The following TMEM132D variants were observed in gnomAD, a reference collection of about 807,000 sequenced individuals.
The protein encoded by TMEM132D is transmembrane protein 132D, also known as mature OL transmembrane protein.
In TMEM132D, 21 loss-of-function variants were observed where a neutral mutation model predicts 62.3. The observed-to-expected ratio is 0.34, with a 90% CI of 0.24 to 0.49. TMEM132D has a LOEUF of 0.49. TMEM132D is among the 20% of genes least tolerant of loss of function. The pLI is 0.99. For synonymous variants in TMEM132D, 621 were observed against 575.6 expected (o/e 1.08, Z -1.13); for missense variants, 1,346 against 1,402.8 (o/e 0.96, Z 0.65).
chr12:129,724,971 T>C (rs1565963095), intron 1 of TMEM132D, among the ~76,000 whole-genome samples: 1 of 152,196 alleles, frequency 6.6e-6, no homozygotes, highest in African/African-American at 2.4e-5. Flanking sequence ...CAATGAGCTA[T>C]TGATGAAACT....
At chr12:129,509,521 T>C (rs914653851) in intron 3 of TMEM132D, among the ~76,000 whole-genome samples, 4 of 152,320 alleles carry the variant, frequency 2.6e-5, no homozygotes, top group Admixed American at 2.6e-4. Context: ...ACAGATAAGT[T>C]ATTACTGACT....
At chr12:129,512,041 TTC>T (rs1188821934) in intron 3 of TMEM132D, among the ~76,000 whole-genome samples, 4 of 151,848 alleles carry the variant, frequency 2.6e-5, no homozygotes, top group Non-Finnish European at 5.9e-5. Context: ...ATTTTTGTTC[TTC>T]TGTTTTTTGT....
At chr12:129,763,322 C>A (rs567077020) in intron 1 of TMEM132D, among the ~76,000 whole-genome samples, 1 of 152,292 alleles carries the variant, frequency 6.6e-6, no homozygotes, top group Admixed American at 6.5e-5. Context: ...AAGCTATCTT[C>A]CTGCCTCGGT....
chr12:129,582,068 G>A (rs1877879874), intron 2 of TMEM132D, among the ~76,000 whole-genome samples: 1 of 152,182 alleles, frequency 6.6e-6, no homozygotes, highest in African/African-American at 2.4e-5. Flanking sequence ...ATGCCAAAGA[G>A]AGTTGAGGTT....
At chr12:129,199,965 G>A (rs1242000457) in intron 5 of TMEM132D, among the ~76,000 whole-genome samples, 1 of 152,242 alleles carries the variant, frequency 6.6e-6, no homozygotes, top group African/African-American at 2.4e-5. Flanking sequence ...AAATCCTAAC[G>A]TTAGGAAGTC....
At chr12:129,471,378 G>A (rs921461941) in intron 3 of TMEM132D, among the ~76,000 whole-genome samples, 1 of 152,026 alleles carries the variant, frequency 6.6e-6, no homozygotes, top group African/African-American at 2.4e-5. Context: ...GGTGATCATT[G>A]ATCTTCTGTG....
intron 3 of TMEM132D, among the ~76,000 whole-genome samples, chr12:129,383,284 T>C (rs188289998): frequency 1.6e-4 from 24 of 152,292 alleles, no homozygotes; most frequent in African/African-American, 5.5e-4. Context: ...CAAGGGACCC[T>C]GGGAAATGCA....
intron 1 of TMEM132D, among the ~76,000 whole-genome samples, chr12:129,819,483 A>C (rs1305145409): frequency 6.6e-6 from 1 of 152,178 alleles, no homozygotes; most frequent in East Asian, 1.9e-4. Flanking sequence ...ATGGAGGTAC[A>C]ACTCCACACG....
At chr12:129,147,676 G>C (rs1876951571) in intron 5 of TMEM132D, among the ~76,000 whole-genome samples, 1 of 152,150 alleles carries the variant, frequency 6.6e-6, no homozygotes, top group Non-Finnish European at 1.5e-5. Flanking sequence ...TATTCTTCTA[G>C]GGCATCATAT....
chr12:129,759,286 A>G (rs1274821795), intron 1 of TMEM132D, among the ~76,000 whole-genome samples: 1 of 152,176 alleles, frequency 6.6e-6, no homozygotes, highest in African/African-American at 2.4e-5. Flanking sequence ...TGTGACTACC[A>G]ATTTGGACAA....
intron 3 of TMEM132D, among the ~76,000 whole-genome samples, chr12:129,348,283 T>C (rs1475883179): frequency 6.6e-6 from 1 of 152,166 alleles, no homozygotes; most frequent in Non-Finnish European, 1.5e-5. Context: ...CTATTCACAA[T>C]AGCAAACACT....
rs192824552 is a variant in TMEM132D at position 129,620,552 on chromosome 12, T to C, written c.968+79258A>G. On this transcript the variant is annotated intron_variant, in intron 2 of 8. Coordinates refer to ENST00000422113, the MANE Select transcript of TMEM132D (RefSeq NM_133448.3). ...AGGCGGAGGTTGCAGTCAGCTAAGA[T>C]TGGGCCACTGCACTCCAGCCTGGGT... Among the ~76,000 whole-genome samples, 42 of 152,254 alleles carry C rather than the reference T, an allele frequency of 2.8e-4. No individual in the cohort carries two copies. In the East Asian group the frequency reaches 7.5e-3, roughly 27 times the overall value.
At position 129,524,920 on chromosome 12, in the gene TMEM132D, C is replaced by CTTTTTTTTTTTTTT. The variant is rs761892015; in HGVS notation, c.1115+6138_1115+6139insAAAAAAAAAAAAAA. On this transcript the variant is annotated intron_variant, in intron 3 of 8. Transcript: ENST00000422113. ...CATTTTATTATTTTCATATTTTTTTCTTTTTTCTTTTTTTTTTTTTTTTTG... is the reference window on the plus strand; with the variant it reads ...CATTTTATTATTTTCATATTTTTTTCTTTTTTTTTTTTTTTTTTTTCTTTTTTTTTTTTTTTTTG... Among the ~76,000 whole-genome samples the CTTTTTTTTTTTTTT allele has an allele frequency of 9.8e-5, 9 of 92,168 alleles. 2 individuals are homozygous for CTTTTTTTTTTTTTT. Among genetic ancestry groups the CTTTTTTTTTTTTTT allele is most frequent in the African/African-American group, 2.7e-4 (6 of 22,488 alleles). 60.5% of individuals were successfully genotyped at this position (92,168 alleles called of 152,430 possible).
chr12:129,701,216 T>G (rs1487728958), intron 1 of TMEM132D, among the ~76,000 whole-genome samples: 2 of 152,208 alleles, frequency 1.3e-5, no homozygotes, highest in African/African-American at 4.8e-5. Flanking sequence ...CATATGCACG[T>G]TCTGCATATA....
intron 5 of TMEM132D, among the ~76,000 whole-genome samples, chr12:129,108,173 G>A (rs1875564861): frequency 6.6e-6 from 1 of 152,116 alleles, no homozygotes; most frequent in Non-Finnish European, 1.5e-5. Flanking sequence ...ACTGAGATCT[G>A]TGGCTCTAAA....
intron 3 of TMEM132D, among the ~76,000 whole-genome samples, chr12:129,389,233 GAAC>G (rs779440373): frequency 1.2e-4 from 18 of 151,206 alleles, no homozygotes; most frequent in Non-Finnish European, 2.2e-4. Flanking sequence ...CCAGTACTAA[GAAC>G]AACACTAATA....
chr12:129,776,496 T>C (rs1870926851), intron 1 of TMEM132D, among the ~76,000 whole-genome samples: 1 of 152,168 alleles, frequency 6.6e-6, no homozygotes, highest in Non-Finnish European at 1.5e-5. Context: ...TTTCTGGTTC[T>C]TTCTCAGGGA....
chr12:129,448,876 C>T (rs1363176561), intron 3 of TMEM132D, among the ~76,000 whole-genome samples: 1 of 152,178 alleles, frequency 6.6e-6, no homozygotes, highest in African/African-American at 2.4e-5. Context: ...ACTATATTTA[C>T]TAGTTGTCCC....
At position 129,396,585 on chromosome 12, in the gene TMEM132D, C is replaced by A. The variant is rs567820559; in HGVS notation, c.1116-58768G>T. 5.0e-4 allele frequency among the ~76,000 whole-genome samples: 76 copies of A among 152,298 alleles called. 2 individuals are homozygous for A. Among genetic ancestry groups the A allele is most frequent in the South Asian group, 1.2e-3 (6 of 4,830 alleles). On this transcript the variant is annotated intron_variant, in intron 3 of 8. Transcript: ENST00000422113. ...TCACTAAGAGACTGGAGGAGACCCG[C>A]AGGATGCAGGGAACTGGGGCTTTGG...
Sources: gnomAD v4.1 joint callset for allele counts (sites outside exome capture counted in the v4.1 genomes callset) on GRCh38, gnomAD v4.1.1 for gene constraint, MANE v1.5 for transcripts, NCBI Gene and HGNC (gene_info 2026-07-23, HGNC 2026-07-21) for gene names.